The following FRK variants were observed in gnomAD, a reference collection of about 807,000 sequenced individuals.
The protein encoded by FRK is tyrosine-protein kinase FRK.
A neutral mutation model predicts 56.4 loss-of-function variants in FRK; 51 were observed. The ratio of observed to expected loss-of-function variants is 0.90; its 90% CI spans 0.72 to 1.14. The LOEUF (loss-of-function observed/expected upper bound fraction) is 1.14, where lower values mean the gene tolerates loss of function less well. Among genes scored for constraint, FRK ranks in the 50% most tolerant of loss-of-function variants. The pLI is 0.00. For synonymous variants in FRK, 245 were observed against 217.9 expected (o/e 1.12, Z -1.10); for missense variants, 570 against 601.4 (o/e 0.95, Z 0.55).
intron 1 of FRK, among the ~76,000 whole-genome samples, chr6:116,042,597 G>A (rs1387711947): frequency 2.0e-5 from 3 of 152,104 alleles, no homozygotes; most frequent in African/African-American, 7.2e-5. Flanking sequence ...ACTAAATATG[G>A]ACAGGAAAAA....
the FRK span, among the ~76,000 whole-genome samples, chr6:116,100,027 T>C: frequency 0.021 from 3,234 of 152,334 alleles, 50 homozygotes; most frequent in Middle Eastern, 0.048. Context: ...TGGTAGTAGT[T>C]ATACAGTTCT....
At chr6:116,010,271 G>C (rs1216542782) in intron 1 of FRK, among the ~76,000 whole-genome samples, 1 of 151,956 alleles carries the variant, frequency 6.6e-6, no homozygotes, top group Non-Finnish European at 1.5e-5. Context: ...CTGGAGATTA[G>C]TGAGAGAATA....
chr6:116,058,727 G>C (rs967372577), intron 1 of FRK, among the ~76,000 whole-genome samples: 3 of 151,862 alleles, frequency 2.0e-5, no homozygotes, highest in Non-Finnish European at 4.4e-5. Flanking sequence ...CGGCTAACAC[G>C]GTGAAACCCC....
At chr6:116,001,803 G>A (rs1348087005) in intron 2 of FRK, among the ~76,000 whole-genome samples, 2 of 152,094 alleles carry the variant, frequency 1.3e-5, no homozygotes, top group Non-Finnish European at 2.9e-5. Context: ...AATGTCACTG[G>A]AATAAAGTCT....
At chr6:116,013,439 TA>T (rs1056250986) in intron 1 of FRK, among the ~76,000 whole-genome samples, 1 of 152,120 alleles carries the variant, frequency 6.6e-6, no homozygotes, top group Non-Finnish European at 1.5e-5. Context: ...AAGCCTGAAA[TA>T]AAAATGTAAA....
At chr6:116,028,159 T>G (rs1776165173) in intron 1 of FRK, among the ~76,000 whole-genome samples, 1 of 152,182 alleles carries the variant, frequency 6.6e-6, no homozygotes, top group Non-Finnish European at 1.5e-5. Flanking sequence ...AGTTTTGATG[T>G]TAACTGGTTA....
intron 1 of FRK, chr6:116,039,166 AC>A (rs1245167048): frequency 1.8e-6 from 2 of 1,099,644 alleles, no homozygotes; most frequent in Non-Finnish European, 2.8e-6. Context: ...AAGTGGCATC[AC>A]TGAGAAGTTT....
intron 2 of FRK, among the ~76,000 whole-genome samples, chr6:115,985,350 C>T (rs906586747): frequency 1.3e-5 from 2 of 152,082 alleles, no homozygotes. Flanking sequence ...AGGATAGAGA[C>T]AGCGGTGAGG....
chr6:116,043,289 T>C (rs367652708), intron 1 of FRK, among the ~76,000 whole-genome samples: 1 of 152,226 alleles, frequency 6.6e-6, no homozygotes, highest in Non-Finnish European at 1.5e-5. Context: ...TGTACATTCT[T>C]CTCAGCACCA....
rs1259281865 is a variant in FRK at position 115,968,750 on chromosome 6, A to G, written c.467-11T>C. ...CTGCTCCATCTAAAACTGGAACCCA[A>G]AATAATTCCTGTTAATAAACTTCTT... On this transcript the variant is annotated splice_polypyrimidine_tract_variant and intron_variant, in intron 2 of 7. Coordinates refer to ENST00000606080, the MANE Select transcript of FRK (RefSeq NM_002031.3). 6.2e-7 allele frequency: 1 copy of G among 1,607,498 alleles called. No individual in the cohort carries two copies. Among genetic ancestry groups the G allele is most frequent in the South Asian group, 1.1e-5 (1 of 89,544 alleles).
chr6:115,947,962 C>T (rs1385822833), intron 5 of FRK, among the ~76,000 whole-genome samples: 1 of 152,126 alleles, frequency 6.6e-6, no homozygotes, highest in Non-Finnish European at 1.5e-5. Flanking sequence ...GTTACCAGTA[C>T]CTCCTGATAT....
chr6:115,978,282 G>A (rs909109105), intron 2 of FRK, among the ~76,000 whole-genome samples: 28 of 152,178 alleles, frequency 1.8e-4, no homozygotes, highest in African/African-American at 6.7e-4. Flanking sequence ...CATTTATTTA[G>A]TTATATCCCT....
At chr6:115,992,838 G>A (rs1463320327) in intron 2 of FRK, among the ~76,000 whole-genome samples, 2 of 151,722 alleles carry the variant, frequency 1.3e-5, no homozygotes, top group African/African-American at 4.8e-5. Context: ...GAATGTATGA[G>A]GTTTGTAAAG....
In FRK at chr6:115,967,701, A is replaced by G. The variant is rs761901536; in HGVS notation, c.649T>C (p.Phe217Leu). The G allele has an allele frequency of 6.2e-7, 1 of 1,610,138 alleles. No homozygotes were observed. Among genetic ancestry groups the G allele is most frequent in the Non-Finnish European group, 8.5e-7 (1 of 1,177,464 alleles). Reference protein sequence around the residue: ...PCLKIQVPAPFDLSYKTVDQW... With the variant: ...PCLKIQVPAPLDLSYKTVDQW... ...TCCACGGTTTTATACGACAAATCAA[A>G]TGGAGCTGGGACCTGGATCTGTTTC... The change falls in exon 4 of 8, where the codon TTT becomes CTT. Residue 217 changes from phenylalanine (F) to leucine (L), a missense_variant. Transcript: ENST00000606080.
chr6:116,069,430 T>C, the FRK span, among the ~76,000 whole-genome samples: 1 of 152,112 alleles, frequency 6.6e-6, no homozygotes, highest in Admixed American at 6.6e-5. Context: ...TTAACTCCTA[T>C]GAAAATATTT....
Position 115,958,677 on chromosome 6 carries a change from AAAGAAAGAAAGAAAGAAAGAAAGAAAG to A in FRK, c.800-2094_800-2068del, listed in dbSNP as rs1773139879. 7.6e-3 allele frequency among the ~76,000 whole-genome samples: 29 copies of A among 3,822 alleles called. 4 individuals carry two copies. The highest frequency in any genetic ancestry group is 0.013 in the Non-Finnish European group (24 of 1,884). 2.5% of individuals were successfully genotyped at this position (3,822 alleles called of 152,430 possible). On this transcript the variant is annotated intron_variant, in intron 4 of 7. Coordinates refer to ENST00000606080, the MANE Select transcript of FRK (RefSeq NM_002031.3). The stretch of plus-strand genomic sequence containing the variant: ...GAAAGAAAGAAAGAAAGAAAGAAAG[AAAGAAAGAAAGAAAGAAAGAAAGAAAG>A]AAGAAAGAAAGAAAGAAAGAAAGAA...
intron 1 of FRK, among the ~76,000 whole-genome samples, 189 bp downstream of exon 1, chr6:116,059,779 C>T (rs936498746): frequency 6.6e-6 from 1 of 152,202 alleles, no homozygotes; most frequent in Non-Finnish European, 1.5e-5. Context: ...ATCTCAACAA[C>T]AATTACTGGC....
chr6:115,958,779 GGA>G (rs200019755), intron 4 of FRK, among the ~76,000 whole-genome samples: 3 of 82,586 alleles, frequency 3.6e-5, no homozygotes, highest in African/African-American at 9.5e-5. Context: ...GGGGGGGGAA[GGA>G]GAGAGAGAAA....
At chr6:116,084,521 C>CT in the FRK span, among the ~76,000 whole-genome samples, 1 of 152,300 alleles carries the variant, frequency 6.6e-6, no homozygotes, top group East Asian at 1.9e-4. Context: ...TAATCATCTC[C>CT]TAGCAGTCTA....
Sources: allele counts gnomAD v4.1 joint callset (sites outside exome capture counted in the v4.1 genomes callset), GRCh38; gene constraint gnomAD v4.1.1; transcripts MANE v1.5; gene names NCBI Gene and HGNC (gene_info 2026-07-23, HGNC 2026-07-21).